The following MAP7D1 variants were observed in gnomAD, a reference collection of about 807,000 sequenced individuals.
The protein encoded by MAP7D1 is MAP7 domain containing 1.
MAP7D1 carries 30 observed loss-of-function variants against 97.5 expected under a neutral mutation model. The observed-to-expected ratio is 0.31, with a 90% CI of 0.23 to 0.42. MAP7D1 has a LOEUF of 0.42. Among genes scored for constraint, MAP7D1 ranks in the 10% least tolerant of loss-of-function variants. The probability of loss-of-function intolerance (pLI) is 1.00; values close to 1 mark genes in which losing one functional copy is unlikely to be tolerated. For missense variants in MAP7D1, 1,184 were observed against 1,179.5 expected (o/e 1.00, Z -0.06); for synonymous variants, 536 against 477.1 (o/e 1.12, Z -1.61).
Position 36,176,283 on chromosome 1 carries a change from G to A in MAP7D1, c.935G>A (p.Arg312His). ...ACTCTCTCCTTCCTTGCTCGGAGTCGCAGCGCGGTCACACTGCCCCGCAAC... is the reference window on the plus strand; with the variant it reads ...ACTCTCTCCTTCCTTGCTCGGAGTCACAGCGCGGTCACACTGCCCCGCAAC... ...TPTLSFLARSRSAVTLPRNGR... is the reference protein window; with the variant it reads ...TPTLSFLARSHSAVTLPRNGR... The change falls in exon 7 of 17, where the codon CGC (arginine) becomes CAC (histidine). Residue 312 changes from arginine (R) to histidine (H), a missense_variant. Transcript: ENST00000474796. The surrounding 1 kb of genome is among the most constrained non-coding windows in gnomAD (Gnocchi z 6.1). 1.9e-6 allele frequency: 3 copies of A among 1,598,240 alleles called. No homozygotes were observed. Among genetic ancestry groups the A allele is most frequent in the Non-Finnish European group, 1.7e-6 (2 of 1,174,698 alleles).
chr1:36,178,772 A>G lies in MAP7D1; in HGVS notation c.1974A>G (p.Ala658=), dbSNP rs1163342052. 1 of 1,547,186 alleles carries G rather than the reference A, an allele frequency of 6.5e-7. No homozygotes were observed. Among genetic ancestry groups the G allele is most frequent in the Non-Finnish European group, 8.7e-7 (1 of 1,145,770 alleles). Residue 658 remains alanine (A), a synonymous_variant, in exon 11 of 17, where the codon GCA becomes GCG. Transcript: ENST00000474796. Reference sequence around the variant, plus strand: ...CCCGGAGGCGGGAGGAGCAGGAGGCACGAGAGAAGGCGCAGGCCGAGCAGG... The same window carrying G: ...CCCGGAGGCGGGAGGAGCAGGAGGCGCGAGAGAAGGCGCAGGCCGAGCAGG... ...AEARRREEQE[A]REKAQAEQEE... is the part of the protein sequence containing the mutation.
intron 2 of MAP7D1, 42 bp downstream of exon 2, chr1:36,171,357 C>T (rs763384896): frequency 3.2e-6 from 5 of 1,541,996 alleles, no homozygotes; most frequent in Non-Finnish European, 4.4e-6. Context: ...CCTCTTGGCT[C>T]AGGGTCCTGG....
chr1:36,180,520 G>A lies in MAP7D1; in HGVS notation c.*262G>A. 1 of 546,658 alleles carries A rather than the reference G, an allele frequency of 1.8e-6. No individual in the cohort carries two copies. 33.9% of individuals were successfully genotyped at this position (546,658 alleles called of 1,614,324 possible). A position where few individuals can be genotyped will look rare whatever the true frequency, so the allele number is the denominator to read the frequency against. ...CACATATACACTCACAGCCTCTCTG[G>A]CCTCTTCCCTTGGGGAGGGGCCACC... On this transcript the variant is annotated 3_prime_UTR_variant, in exon 17 of 17. Coordinates refer to ENST00000474796, the MANE Select transcript of MAP7D1 (RefSeq NM_001388490.1).
chr1:36,174,971 A>C lies in MAP7D1; in HGVS notation c.813A>C (p.Ser271=). The C allele has an allele frequency of 6.2e-7, 1 of 1,613,826 alleles. No individual in the cohort carries two copies. Among genetic ancestry groups the C allele is most frequent in the Non-Finnish European group, 8.5e-7 (1 of 1,179,864 alleles). ...ACTCTATAATCAACAAGCGGCTCTC[A>C]AAGTCCTCTGCCACGCTCTGGAACT... is the stretch of plus-strand genomic sequence containing the variant. ...HVDSIINKRL[S]KSSATLWNSP... is the part of the protein sequence containing the mutation. The change falls in exon 6 of 17, where the codon TCA becomes TCC. Residue 271 remains serine (S), a synonymous_variant. Coordinates refer to ENST00000474796, the MANE Select transcript of MAP7D1 (RefSeq NM_001388490.1).
At chr1:36,166,249 A>C (rs902958889) in intron 1 of MAP7D1, among the ~76,000 whole-genome samples, 3 of 152,186 alleles carry the variant, frequency 2.0e-5, no homozygotes, top group African/African-American at 7.2e-5. Context: ...AAAACTGAGC[A>C]GGGGGAGAAG....
chr1:36,171,397 G>T, intron 2 of MAP7D1, 82 bp downstream of exon 2: 1 of 1,543,064 alleles, frequency 6.5e-7, no homozygotes, highest in Non-Finnish European at 8.8e-7. Flanking sequence ...AAAGAGTCCT[G>T]TTTGCCCTAG....
At chr1:36,175,583 G>A (rs1441297622) in intron 6 of MAP7D1, among the ~76,000 whole-genome samples, 3 of 152,244 alleles carry the variant, frequency 2.0e-5, no homozygotes, top group African/African-American at 7.2e-5. Context: ...CATGGTGGGA[G>A]TTATTTATAA....
At chr1:36,158,148 G>A (rs985402952) in intron 1 of MAP7D1, among the ~76,000 whole-genome samples, 6 of 150,072 alleles carry the variant, frequency 4.0e-5, no homozygotes, top group Admixed American at 3.3e-4. Context: ...GGGCAGGGGG[G>A]ATGTTCGGTG....
rs1356078124 is a variant in MAP7D1 at position 36,170,993 on chromosome 1, A to G, written c.69A>G (p.Pro23=). Residue 23 remains proline, a synonymous_variant, in exon 2 of 17, where the codon CCA becomes CCG. Coordinates refer to ENST00000474796, the MANE Select transcript of MAP7D1 (RefSeq NM_001388490.1). ...CAGCTGTGGTCGCCAGGACCCCCCC[A>G]GAGCCAAGACCTTCTCCAGAAGGTG... is the stretch of plus-strand genomic sequence containing the variant. ...APPAVVARTP[P]EPRPSPEGDP... is the part of the protein sequence containing the mutation. 8.1e-7 allele frequency: 1 copy of G among 1,238,762 alleles called. No individual in the cohort carries two copies. Among genetic ancestry groups the G allele is most frequent in the Non-Finnish European group, 1.1e-6 (1 of 897,436 alleles). The allele number at this position is 1,238,762 out of a possible 1,614,324, so 76.7% of individuals were successfully genotyped here. A position where few individuals can be genotyped will look rare whatever the true frequency, so the allele number is the denominator to read the frequency against.
rs764589067 is a variant in MAP7D1 at position 36,171,044 on chromosome 1, G to A, written c.120G>A (p.Met40Ile). 4 of 1,528,124 alleles carry A rather than the reference G, an allele frequency of 2.6e-6. No homozygotes were observed. The highest frequency in any genetic ancestry group is 2.7e-6 in the Non-Finnish European group (3 of 1,131,686). 94.7% of individuals were successfully genotyped at this position (1,528,124 alleles called of 1,614,324 possible). ...ACCCTTCCCCCCCACCACCACCAAT[G>A]TCAGCCCTGGTCCCCGACACTCCCC... ...EGDPSPPPPP[M>I]SALVPDTPPD... The change falls in exon 2 of 17, where the codon ATG (methionine) becomes ATA (isoleucine). Residue 40 changes from methionine (M) to isoleucine (I), a missense_variant. Physicochemically the swap from Met to Ile is conservative, Grantham distance 10 (BLOSUM62 1). Transcript: ENST00000474796.
chr1:36,176,811 C>T lies in MAP7D1; in HGVS notation c.1348C>T (p.Arg450Cys), dbSNP rs760310697. The stretch of plus-strand genomic sequence containing the variant: ...GTCGCTGCCCGCCTCCCCACGTGCC[C>T]GCCTCTCTGCCAGCACCGCCTCTGA... The part of the protein sequence containing the change: ...RQSLPASPRA[R>C]LSASTASELS... Residue 450 changes from arginine (R) to cysteine (C), a missense_variant, in exon 8 of 17, where the codon CGC (arginine) becomes TGC (cysteine). Arg to Cys is a radical substitution (Grantham distance 180). Coordinates refer to ENST00000474796, the MANE Select transcript of MAP7D1 (RefSeq NM_001388490.1). This position sits in a 1 kb window ranked among gnomAD's most constrained non-coding sequence, Gnocchi z 6.1. The T allele has an allele frequency of 1.0e-5, 16 of 1,598,780 alleles. No homozygotes were observed. The South Asian group carries it at 1.6e-4, about 16-fold the overall frequency.
chr1:36,160,146 C>G (rs1017798346), intron 1 of MAP7D1, among the ~76,000 whole-genome samples: 2 of 152,218 alleles, frequency 1.3e-5, no homozygotes, highest in African/African-American at 4.8e-5. Flanking sequence ...GGACCCATGT[C>G]CTTAGGTCCC....
rs750197568 is a variant in MAP7D1 at position 36,178,790 on chromosome 1, C to G, written c.1992C>G (p.Ala664=). The G allele has an allele frequency of 1.2e-5, 19 of 1,547,244 alleles. No individual in the cohort carries two copies. The highest frequency in any genetic ancestry group is 2.4e-5 in the South Asian group (2 of 83,860). ...EEQEAREKAQ[A]EQEEQERLQK... ...AGGAGGCACGAGAGAAGGCGCAGGC[C>G]GAGCAGGAGGAGCAGGAGCGGCTGC... The change falls in exon 11 of 17, where the codon GCC becomes GCG. Residue 664 remains alanine, a synonymous_variant. Coordinates refer to ENST00000474796, the MANE Select transcript of MAP7D1 (RefSeq NM_001388490.1).
chr1:36,172,417 C>A (rs1196189007), intron 3 of MAP7D1, 47 bp from the exon 4 acceptor site: 2 of 1,409,890 alleles, frequency 1.4e-6, no homozygotes, highest in African/African-American at 2.9e-5. Context: ...TGGCCCAGGC[C>A]TTCTGCAGAA....
intron 5 of MAP7D1, among the ~76,000 whole-genome samples, chr1:36,174,022 G>A (rs527498323): frequency 6.6e-5 from 10 of 152,300 alleles, no homozygotes; most frequent in South Asian, 2.1e-4. Context: ...TTGCCTTGGC[G>A]TGTTTGTGAC....
At position 36,174,986 on chromosome 1, in the gene MAP7D1, G is replaced by A. The variant is rs751113207; in HGVS notation, c.828G>A (p.Thr276=). 2.1e-5 allele frequency: 34 copies of A among 1,613,442 alleles called. No individual in the cohort carries two copies. The highest frequency in any genetic ancestry group is 1.7e-4 in the African/African-American group (13 of 74,870). ...INKRLSKSSA[T]LWNSPSRNRS... is the part of the protein sequence containing the mutation. ...AGCGGCTCTCAAAGTCCTCTGCCAC[G>A]CTCTGGAACTCCCCCAGTAGAAGTA... is the stretch of plus-strand genomic sequence containing the variant. Residue 276 remains threonine (T), a synonymous_variant, in exon 6 of 17, where the codon ACG becomes ACA. Transcript: ENST00000474796.
rs199802965 is a variant in MAP7D1 at position 36,177,984 on chromosome 1, C to A, written c.1491C>A (p.Pro497=). Reference sequence around the variant, plus strand: ...CTCTGCCTCCAAAGCCACCGTCCCCCCGAGGCACCACTGCATCCCCCAAGG... The same window carrying A: ...CTCTGCCTCCAAAGCCACCGTCCCCACGAGGCACCACTGCATCCCCCAAGG... ...GHTLPPKPPS[P]RGTTASPKGR... Residue 497 remains proline (P), a synonymous_variant, in exon 9 of 17, where the codon CCC becomes CCA. Coordinates refer to ENST00000474796, the MANE Select transcript of MAP7D1 (RefSeq NM_001388490.1). 3.1e-6 allele frequency: 5 copies of A among 1,610,862 alleles called. No individual in the cohort carries two copies. The highest frequency in any genetic ancestry group is 4.5e-5 in the East Asian group (2 of 44,796).
chr1:36,174,860 C>T (rs535486), intron 5 of MAP7D1, 38 bp from the exon 6 acceptor site: 14 of 1,357,568 alleles, frequency 1.0e-5, no homozygotes, highest in Middle Eastern at 1.8e-4. Flanking sequence ...TGGCTCCTGC[C>T]GGGCCCGGCC....
Position 36,163,817 on chromosome 1 carries a change from C to CTTTTTTTTT in MAP7D1, c.47-7135_47-7127dup, listed in dbSNP as rs869169250. Among the ~76,000 whole-genome samples, 77 of 86,836 alleles carry CTTTTTTTTT rather than the reference C, an allele frequency of 8.9e-4. 2 individuals carry two copies. The highest frequency in any genetic ancestry group is 6.5e-3 in the Middle Eastern group (1 of 154). 57.0% of individuals were successfully genotyped at this position (86,836 alleles called of 152,430 possible). A position where few individuals can be genotyped will look rare whatever the true frequency, so the allele number is the denominator to read the frequency against. ...TGCCACATAGATATATACTTTTTTT[C>CTTTTTTTTT]TTTTTTTTTTTTTTTTTTTTTTTTT... On this transcript the variant is annotated intron_variant, in intron 1 of 16. Coordinates refer to ENST00000474796, the MANE Select transcript of MAP7D1 (RefSeq NM_001388490.1).
Sources: gnomAD v4.1 joint callset for allele counts (sites outside exome capture counted in the v4.1 genomes callset) on GRCh38, gnomAD v4.1.1 for gene constraint, Gnocchi (gnomAD v3.1) non-coding constraint, MANE v1.5 for transcripts, NCBI Gene and HGNC (gene_info 2026-07-23, HGNC 2026-07-21) for gene names.